The following SMG6 variants were observed in gnomAD, a reference collection of about 807,000 sequenced individuals.
SMG6 encodes the protein telomerase-binding protein EST1A.
SMG6 carries 66 observed loss-of-function variants against 142.2 expected under a neutral mutation model. That is an observed-to-expected ratio of 0.46 (90% CI 0.38 to 0.57). The LOEUF is 0.57. SMG6 is among the 20% of genes least tolerant of loss of function. The pLI is 0.00. For synonymous variants in SMG6, 779 were observed against 702.4 expected, an observed-to-expected ratio of 1.11 and a Z score of -1.72; for missense variants, 1,793 against 1,832.0, an observed-to-expected ratio of 0.98 and a Z score of 0.39.
At chr17:2,115,743 A>G (rs2760742) in intron 13 of SMG6, among the ~76,000 whole-genome samples, 53,954 of 152,006 alleles carry the variant, frequency 0.35, 10,281 homozygotes, top group African/African-American at 0.49. Flanking sequence ...GGAGGTGGGA[A>G]GTCAGGTTTT....
chr17:2,162,993 G>A (rs964444492), intron 13 of SMG6, among the ~76,000 whole-genome samples: 3 of 151,764 alleles, frequency 2.0e-5, no homozygotes, highest in African/African-American at 7.3e-5. Context: ...CACCACACCT[G>A]ACTGATTTTT....
At chr17:2,176,987 G>A (rs976468529) in intron 12 of SMG6, among the ~76,000 whole-genome samples, 3 of 152,204 alleles carry the variant, frequency 2.0e-5, no homozygotes, top group Non-Finnish European at 4.4e-5. Flanking sequence ...ATACAATGCA[G>A]CCCAGGCCAG....
intron 2 of SMG6, among the ~76,000 whole-genome samples, chr17:2,298,501 C>T (rs963253670): frequency 3.3e-5 from 5 of 152,144 alleles, no homozygotes; most frequent in Admixed American, 6.5e-5. Context: ...AGGCGGATCA[C>T]GAGGTCAGGA....
At chr17:2,249,053 ATT>A (rs535789657) in intron 8 of SMG6, among the ~76,000 whole-genome samples, 25 of 145,032 alleles carry the variant, frequency 1.7e-4, no homozygotes, top group Non-Finnish European at 2.9e-4. Context: ...CGCCCCGTTA[ATT>A]TTTTTTTTTT....
At chr17:2,169,587 A>G (rs944443739) in intron 13 of SMG6, among the ~76,000 whole-genome samples, 3 of 152,184 alleles carry the variant, frequency 2.0e-5, no homozygotes, top group Admixed American at 1.3e-4. Context: ...GAAAAGAGCA[A>G]CTGCAAAGAC....
chr17:2,094,322 C>T (rs1277486175), intron 13 of SMG6, among the ~76,000 whole-genome samples: 4 of 152,114 alleles, frequency 2.6e-5, no homozygotes, highest in Admixed American at 2.6e-4. Flanking sequence ...GAGATATCAG[C>T]TCACTGCAAC....
intron 10 of SMG6, among the ~76,000 whole-genome samples, chr17:2,198,358 G>C (rs1266664815): frequency 6.6e-6 from 1 of 152,178 alleles, no homozygotes; most frequent in African/African-American, 2.4e-5. Context: ...CGGTAGGGAT[G>C]GTTCTAAAGC....
rs544678926 is a variant in SMG6 at position 2,111,350 on chromosome 17, A to G, written c.3358-25449T>C. ...GATGGTGAATAGAAGACCCTAAGAAAGGTAATATTTGATCAGACTTGAAGG... is the reference window on the plus strand; with the variant it reads ...GATGGTGAATAGAAGACCCTAAGAAGGGTAATATTTGATCAGACTTGAAGG... On this transcript the variant is annotated intron_variant, in intron 13 of 18. Coordinates refer to ENST00000263073, the MANE Select transcript of SMG6 (RefSeq NM_017575.5). Among the ~76,000 whole-genome samples, 8 of 152,284 alleles carry G rather than the reference A, an allele frequency of 5.3e-5. No homozygotes were observed. In the East Asian group the frequency reaches 1.5e-3, roughly 29 times the overall value.
At chr17:2,207,397 T>C (rs950733158) in intron 10 of SMG6, among the ~76,000 whole-genome samples, 2 of 152,190 alleles carry the variant, frequency 1.3e-5, no homozygotes, top group African/African-American at 4.8e-5. Flanking sequence ...TGCTATCTAA[T>C]GCAGTTGTTT....
intron 9 of SMG6, among the ~76,000 whole-genome samples, chr17:2,243,638 C>T (rs2073863286): frequency 6.6e-6 from 1 of 152,144 alleles, no homozygotes; most frequent in East Asian, 1.9e-4. Flanking sequence ...TCGAGTCATG[C>T]CGCTGCACTC....
At position 2,068,979 on chromosome 17, in the gene SMG6, G is replaced by T; in HGVS notation, c.3682-48C>A. 1 of 1,599,634 alleles carries T rather than the reference G, an allele frequency of 6.3e-7. No homozygotes were observed. The highest frequency in any genetic ancestry group is 8.5e-7 in the Non-Finnish European group (1 of 1,170,244). On this transcript the variant is annotated intron_variant, in intron 15 of 18. Coordinates refer to ENST00000263073, the MANE Select transcript of SMG6 (RefSeq NM_017575.5). This position sits in a 1 kb window ranked among gnomAD's most constrained non-coding sequence, Gnocchi z 6.7. ...GAGCCAGACAGCGAGCAGGCAAGCA[G>T]GTGGGTGAGCCAGGGCCCTGACACT...
Position 2,231,675 on chromosome 17 carries a change from C to T in SMG6, c.2869+4817G>A, listed in dbSNP as rs189557309. 1.6e-3 allele frequency among the ~76,000 whole-genome samples: 242 copies of T among 151,974 alleles called. 2 individuals carry two copies. The highest frequency in any genetic ancestry group is 5.5e-3 in the African/African-American group (230 of 41,446). ...TCGCACCACTGCACTCCAGCCTGGG[C>T]GACAGAGCAAGATTCTGTCCCTCCC... On this transcript the variant is annotated intron_variant, in intron 10 of 18. Coordinates refer to ENST00000263073, the MANE Select transcript of SMG6 (RefSeq NM_017575.5).
intron 8 of SMG6, among the ~76,000 whole-genome samples, chr17:2,247,275 GTTT>G (rs764456070): frequency 1.3e-5 from 2 of 152,212 alleles, no homozygotes; most frequent in Non-Finnish European, 2.9e-5. Flanking sequence ...ATATGTGGGA[GTTT>G]TTTGTGTTAT....
chr17:2,236,650 A>T lies in SMG6; in HGVS notation c.2724-13T>A. 6.2e-7 allele frequency: 1 copy of T among 1,606,504 alleles called. No homozygotes were observed. Among genetic ancestry groups the T allele is most frequent in the Non-Finnish European group, 8.5e-7 (1 of 1,176,176 alleles). ...GAATGTCTCCATCCTGCAGATTCAG[A>T]AAACCCATCAATGAGGCACCTCTCT... On this transcript the variant is annotated splice_polypyrimidine_tract_variant and intron_variant, in intron 9 of 18. Transcript: ENST00000263073.
At position 2,299,986 on chromosome 17, in the gene SMG6, G is replaced by C. The variant is rs753866568; in HGVS notation, c.767C>G (p.Thr256Arg). 6.2e-7 allele frequency: 1 copy of C among 1,614,072 alleles called. No individual in the cohort carries two copies. Among genetic ancestry groups the C allele is most frequent in the Non-Finnish European group, 8.5e-7 (1 of 1,180,032 alleles). Reference protein sequence around the residue: ...RSDKRRNRYRTRSTSSAGSNN... With the variant: ...RSDKRRNRYRRRSTSSAGSNN... ...GCTGCCAGCTGAGCTGGTGCTGCGC[G>C]TGCGGTAGCGATTCCTTCGTTTGTC... Residue 256 changes from threonine to arginine, a missense_variant, in exon 2 of 19, where the codon ACG becomes AGG. By Grantham distance (71) the Thr-to-Arg change is moderately conservative. Around this residue, in one of 3 missense-constraint regions of SMG6, gnomAD observed 1,597 missense variants for 1,584.6 expected, o/e 1.01. Transcript: ENST00000263073. This position sits in a 1 kb window ranked among gnomAD's most constrained non-coding sequence, Gnocchi z 4.3.
chr17:2,282,757 T>C lies in SMG6; in HGVS notation c.2551A>G (p.Thr851Ala), dbSNP rs745562327. Residue 851 changes from threonine to alanine, a missense_variant, in exon 8 of 19, where the codon ACT becomes GCT. Thr to Ala is a moderately conservative substitution (Grantham distance 58, BLOSUM62 0). This residue lies in a region of SMG6 where 1,597 missense variants were observed against 1,584.6 expected (regional missense o/e 1.01). Coordinates refer to ENST00000263073, the MANE Select transcript of SMG6 (RefSeq NM_017575.5). ...GGATGAATCCAGATCTCCAGGCGAGTGGTGTCATCTCCAACATGCCGGAAA... is the reference window on the plus strand; with the variant it reads ...GGATGAATCCAGATCTCCAGGCGAGCGGTGTCATCTCCAACATGCCGGAAA... Reference protein sequence around the residue: ...STFRHVGDDTTRLEIWIHPSH... With the variant: ...STFRHVGDDTARLEIWIHPSH... The C allele has an allele frequency of 1.9e-6, 3 of 1,614,082 alleles. No individual in the cohort carries two copies. In the Admixed American group the frequency reaches 5.0e-5, roughly 27 times the overall value.
At chr17:2,107,496 A>G (rs1258779696) in intron 13 of SMG6, among the ~76,000 whole-genome samples, 3 of 152,180 alleles carry the variant, frequency 2.0e-5, no homozygotes, top group Non-Finnish European at 4.4e-5. Context: ...ATAGTGTTAA[A>G]CAGACATTCT....
intron 10 of SMG6, among the ~76,000 whole-genome samples, chr17:2,198,227 G>C (rs1321524940): frequency 6.6e-6 from 1 of 152,156 alleles, no homozygotes. Flanking sequence ...TTAGTGAAAA[G>C]CCAGCTTCAA....
intron 13 of SMG6, among the ~76,000 whole-genome samples, chr17:2,092,573 A>C (rs912887676): frequency 8.5e-5 from 13 of 152,234 alleles, no homozygotes; most frequent in Admixed American, 8.5e-4. Context: ...TGGGGAGACT[A>C]TCCCAAGACA....
Sources: gnomAD v4.1 joint callset for allele counts (sites outside exome capture counted in the v4.1 genomes callset) on GRCh38, gnomAD v4.1.1 for gene constraint, gnomAD v4.1.1 regional missense constraint, Gnocchi (gnomAD v3.1) non-coding constraint, MANE v1.5 for transcripts, NCBI Gene and HGNC (gene_info 2026-07-23, HGNC 2026-07-21) for gene names.